Variants in HSF2BP observed in about 807,000 individuals in gnomAD.
HSF2BP encodes the protein heat shock transcription factor 2 binding protein.
In HSF2BP, 35 loss-of-function variants were observed where a neutral mutation model predicts 35.0. That is an observed-to-expected ratio of 1.00 (90% CI 0.76 to 1.32). The LOEUF (loss-of-function observed/expected upper bound fraction) is 1.32, where lower values mean the gene tolerates loss of function less well. HSF2BP is among the 40% of genes most tolerant of loss of function. The pLI is 0.00. For synonymous variants in HSF2BP, 114 were observed against 117.4 expected, an observed-to-expected ratio of 0.97 and a Z score of 0.18; for missense variants, 326 against 321.7, an observed-to-expected ratio of 1.01 and a Z score of -0.10.
intron 8 of HSF2BP, among the ~76,000 whole-genome samples, chr21:43,591,210 T>C (rs2081921871): frequency 6.6e-6 from 1 of 152,202 alleles, no homozygotes; most frequent in Admixed American, 6.5e-5. Context: ...AGATTGGTAG[T>C]TAAGGGTGAA....
intron 7 of HSF2BP, among the ~76,000 whole-genome samples, chr21:43,604,542 CCATA>C (rs1568905231): frequency 1.4e-5 from 2 of 143,122 alleles, no homozygotes; most frequent in South Asian, 4.6e-4. Context: ...ACCACACACA[CCATA>C]CACACCCCAC....
chr21:43,582,619 GA>G (rs552299946), intron 8 of HSF2BP, among the ~76,000 whole-genome samples: 1 of 28,178 alleles, frequency 3.5e-5, no homozygotes, highest in African/African-American at 2.1e-4. Context: ...TGAGGGAGAT[GA>G]AGGGCCTGCT....
At chr21:43,620,608 C>T (rs981958599) in intron 6 of HSF2BP, among the ~76,000 whole-genome samples, 3 of 152,098 alleles carry the variant, frequency 2.0e-5, no homozygotes, top group Non-Finnish European at 2.9e-5. Context: ...GGTGGAAGCA[C>T]TGCTTGAGCC....
chr21:43,620,705 ACATCAT>A (rs536672707), intron 6 of HSF2BP, among the ~76,000 whole-genome samples: 3 of 151,562 alleles, frequency 2.0e-5, no homozygotes, highest in African/African-American at 7.3e-5. Flanking sequence ...TAAAAAATCA[ACATCAT>A]CATCATCATC....
chr21:43,614,692 C>A (rs1179434259), intron 6 of HSF2BP, among the ~76,000 whole-genome samples: 2 of 152,104 alleles, frequency 1.3e-5, no homozygotes, highest in African/African-American at 4.8e-5. Context: ...TGAGCACTGA[C>A]AAAGATGCAC....
At chr21:43,635,669 C>T (rs2082541773) in intron 4 of HSF2BP, among the ~76,000 whole-genome samples, 2 of 152,096 alleles carry the variant, frequency 1.3e-5, no homozygotes, top group Non-Finnish European at 2.9e-5. Context: ...ACAATCCTAG[C>T]ATTCTGGGAG....
chr21:43,652,197 G>A (rs188302948), intron 3 of HSF2BP, among the ~76,000 whole-genome samples: 102 of 152,278 alleles, frequency 6.7e-4, no homozygotes, highest in Non-Finnish European at 8.5e-4. Context: ...GAGGTCAGGA[G>A]ATCGAGACCA....
At chr21:43,610,408 G>A (rs111767586) in intron 7 of HSF2BP, among the ~76,000 whole-genome samples, 1 of 149,676 alleles carries the variant, frequency 6.7e-6, no homozygotes, top group Admixed American at 6.7e-5. Context: ...GGGCAACAAG[G>A]TGAGACCCTG....
At position 43,658,158 on chromosome 21, in the gene HSF2BP, A is replaced by G. The variant is rs1014266259; in HGVS notation, c.-62T>C. On this transcript the variant is annotated 5_prime_UTR_variant, in exon 2 of 9. Transcript: ENST00000291560. ...GGCGCGCCCTCTGACCCCTCACGCC[A>G]GAAAGCGCGGGAACGAATCCACGCC... 2.1e-5 allele frequency: 30 copies of G among 1,461,070 alleles called. No homozygotes were observed. Among genetic ancestry groups the G allele is most frequent in the Middle Eastern group, 1.8e-4 (1 of 5,704 alleles). The allele number at this position is 1,461,070 out of a possible 1,614,324, so 90.5% of individuals were successfully genotyped here. A position where few individuals can be genotyped will look rare whatever the true frequency, so the allele number is the denominator to read the frequency against.
chr21:43,468,018 T>C, the HSF2BP span, among the ~76,000 whole-genome samples: 25 of 48,502 alleles, frequency 5.2e-4, no homozygotes, highest in East Asian at 1.4e-3. Context: ...CCACAAACCA[T>C]ACACACAGCA....
chr21:43,637,954 A>C (rs772921127), intron 4 of HSF2BP, among the ~76,000 whole-genome samples: 8 of 152,242 alleles, frequency 5.3e-5, no homozygotes, highest in Non-Finnish European at 8.8e-5. Flanking sequence ...GATCAGGAAC[A>C]AGGCAAAGAT....
rs1242944704 is a variant in HSF2BP, at chr21:43,659,368, G to A, written c.-225+18C>T. On this transcript the variant is annotated intron_variant, in intron 1 of 8. Transcript: ENST00000291560. The surrounding 1 kb of genome is among the most constrained non-coding windows in gnomAD (Gnocchi z 4.2). ...CAGCCTTCCGTCTCTTCCTGGTCAA[G>A]TCCTAACCCTGGCTAACCTCGCCGT... The A allele has an allele frequency of 1.1e-5, 2 of 178,344 alleles. No individual in the cohort carries two copies. The highest frequency in any genetic ancestry group is 1.5e-4 in the East Asian group (1 of 6,806). 11.0% of individuals were successfully genotyped at this position (178,344 alleles called of 1,614,324 possible). A position where few individuals can be genotyped will look rare whatever the true frequency, so the allele number is the denominator to read the frequency against.
intron 6 of HSF2BP, among the ~76,000 whole-genome samples, chr21:43,621,388 G>A (rs753464765): frequency 1.3e-5 from 2 of 152,086 alleles, no homozygotes; most frequent in Non-Finnish European, 2.9e-5. Flanking sequence ...TTAGCCAGGC[G>A]TGGTGGCACA....
intron 3 of HSF2BP, among the ~76,000 whole-genome samples, chr21:43,653,186 G>A (rs1453256006): frequency 8.9e-6 from 1 of 111,788 alleles, no homozygotes; most frequent in Non-Finnish European, 1.7e-5. Context: ...AGAGAAAAGG[G>A]AAAGGAAGGG....
chr21:43,646,457 T>G (rs2082709952), intron 3 of HSF2BP, among the ~76,000 whole-genome samples: 1 of 152,140 alleles, frequency 6.6e-6, no homozygotes. Flanking sequence ...ACTGAAAAAC[T>G]GAGATGAAAT....
At chr21:43,657,474 G>C (rs2082887628) in intron 2 of HSF2BP, among the ~76,000 whole-genome samples, 1 of 152,160 alleles carries the variant, frequency 6.6e-6, no homozygotes, top group Admixed American at 6.5e-5. Context: ...TTTCCTACTG[G>C]GTTTGCCAAG....
chr21:43,654,700 C>T (rs536992443), intron 3 of HSF2BP, among the ~76,000 whole-genome samples: 88 of 152,264 alleles, frequency 5.8e-4, no homozygotes, highest in African/African-American at 2.0e-3. Flanking sequence ...GGAAGAAATG[C>T]CAAGTCGGAG....
At chr21:43,574,919 GCAGA>G (rs2081623222) in intron 8 of HSF2BP, among the ~76,000 whole-genome samples, 2 of 152,188 alleles carry the variant, frequency 1.3e-5, no homozygotes, top group Non-Finnish European at 2.9e-5. Context: ...ACGAGCCATG[GCAGA>G]CACACAGCTC....
At chr21:43,624,022 T>C (rs1325008576) in intron 6 of HSF2BP, among the ~76,000 whole-genome samples, 1 of 152,000 alleles carries the variant, frequency 6.6e-6, no homozygotes, top group Non-Finnish European at 1.5e-5. Flanking sequence ...TCTGAAGACA[T>C]GGGGAAAGGG....
Sources: gnomAD v4.1 joint callset for allele counts (sites outside exome capture counted in the v4.1 genomes callset) on GRCh38, gnomAD v4.1.1 for gene constraint, Gnocchi (gnomAD v3.1) non-coding constraint, MANE v1.5 for transcripts, NCBI Gene and HGNC (gene_info 2026-07-23, HGNC 2026-07-21) for gene names.